Variants in RASGRP3 observed in about 807,000 individuals in gnomAD.
The protein encoded by RASGRP3 is RAS guanyl releasing protein 3, also known as ras guanyl-releasing protein 3.
RASGRP3 carries 54 observed loss-of-function variants against 82.7 expected under a neutral mutation model. That is an observed-to-expected ratio of 0.65 (90% CI 0.52 to 0.82). The LOEUF (loss-of-function observed/expected upper bound fraction) is 0.82. RASGRP3 is among the 40% of genes least tolerant of loss of function. The pLI, the probability that RASGRP3 is intolerant of heterozygous loss-of-function variation, is 0.00. For synonymous variants in RASGRP3, 309 were observed against 300.5 expected (o/e 1.03, Z -0.29); for missense variants, 861 against 828.9 (o/e 1.04, Z -0.48).
intron 2 of RASGRP3, among the ~76,000 whole-genome samples, chr2:33,464,359 A>G (rs980152298): frequency 3.3e-5 from 5 of 151,028 alleles, no homozygotes; most frequent in South Asian, 2.1e-4. Context: ...AGCTCAGGCA[A>G]TCTACCCACC....
At chr2:33,471,341 AT>A (rs70940204) in intron 2 of RASGRP3, among the ~76,000 whole-genome samples, 5,837 of 106,608 alleles carry the variant, frequency 0.055, 160 homozygotes, top group East Asian at 0.27. Flanking sequence ...ACACTGGGCT[AT>A]TTTTTTTTTT....
chr2:33,548,642 A>C (rs1372588316), intron 13 of RASGRP3, among the ~76,000 whole-genome samples: 1 of 152,158 alleles, frequency 6.6e-6, no homozygotes, highest in African/African-American at 2.4e-5. Context: ...TGTGATCGCC[A>C]GCAAATGCTA....
In RASGRP3 at chr2:33,540,567, TGTGTG is replaced by T. The variant is rs749702348; in HGVS notation, c.1278+1358_1278+1362del. ...TCTGTGTGTGTGTTTTGTGTGTGTG[TGTGTG>T]TGTGTGTGTGTGTGTGTGTGTGTGT... On this transcript the variant is annotated intron_variant, in intron 12 of 17. Transcript: ENST00000403687. Among the ~76,000 whole-genome samples, 26 of 19,998 alleles carry T rather than the reference TGTGTG, an allele frequency of 1.3e-3. 2 individuals are homozygous for T. Among genetic ancestry groups the T allele is most frequent in the African/African-American group, 2.7e-3 (11 of 4,008 alleles). The allele number at this position is 19,998 out of a possible 152,430, so 13.1% of individuals were successfully genotyped here.
intron 1 of RASGRP3, among the ~76,000 whole-genome samples, chr2:33,486,021 C>G (rs1451459311): frequency 6.6e-6 from 1 of 152,108 alleles, no homozygotes; most frequent in Admixed American, 6.6e-5. Flanking sequence ...TTTTCTCAAC[C>G]AAAACTTCAG....
intron 2 of RASGRP3, among the ~76,000 whole-genome samples, chr2:33,461,756 G>A (rs186330914): frequency 6.6e-5 from 10 of 152,310 alleles, no homozygotes; most frequent in African/African-American, 2.4e-4. Flanking sequence ...TACACACAAA[G>A]TTATAAGTAA....
intron 14 of RASGRP3, among the ~76,000 whole-genome samples, chr2:33,552,119 G>A (rs1368721036): frequency 6.6e-6 from 1 of 152,238 alleles, no homozygotes; most frequent in African/African-American, 2.4e-5. Flanking sequence ...GGAGCAGCAA[G>A]GTAGACTTTC....
At chr2:33,437,543 G>A (rs759723475) in intron 1 of RASGRP3, among the ~76,000 whole-genome samples, 1 of 152,170 alleles carries the variant, frequency 6.6e-6, no homozygotes, top group Admixed American at 6.5e-5. Flanking sequence ...GAAATGTGTG[G>A]CTGTTATTTC....
intron 1 of RASGRP3, among the ~76,000 whole-genome samples, chr2:33,497,332 G>T (rs1204903549): frequency 1.3e-5 from 2 of 152,132 alleles, no homozygotes; most frequent in Non-Finnish European, 1.5e-5. Flanking sequence ...ATTGGCAAGG[G>T]TCTAAAACTG....
At chr2:33,493,605 G>GA (rs35311723) in intron 1 of RASGRP3, among the ~76,000 whole-genome samples, 63,750 of 151,448 alleles carry the variant, frequency 0.42, 14,197 homozygotes, top group African/African-American at 0.56. Flanking sequence ...AGAGTTCCCA[G>GA]CTCCACCTTC....
In RASGRP3 at chr2:33,524,412, T is replaced by A. The variant is rs375873037; in HGVS notation, c.691-20T>A. 3 of 1,432,824 alleles carry A rather than the reference T, an allele frequency of 2.1e-6. No individual in the cohort carries two copies. The highest frequency in any genetic ancestry group is 2.9e-6 in the Non-Finnish European group (3 of 1,043,946). 88.8% of individuals were successfully genotyped at this position (1,432,824 alleles called of 1,614,324 possible). A position where few individuals can be genotyped will look rare whatever the true frequency, so the allele number is the denominator to read the frequency against. On this transcript the variant is annotated intron_variant, in intron 8 of 17. Transcript: ENST00000403687. ...ATAATTTGAAAATCCTTAAAAAGCATTGATGCATTTTTATTGCAGAAGCTC... is the reference window on the plus strand; with the variant it reads ...ATAATTTGAAAATCCTTAAAAAGCAATGATGCATTTTTATTGCAGAAGCTC...
intron 4 of RASGRP3, chr2:33,516,905 C>G (rs1671518119): frequency 6.6e-6 from 2 of 303,642 alleles, no homozygotes; most frequent in Admixed American, 4.9e-5. Flanking sequence ...CTGGATGTTT[C>G]TAACTTGTCT....
chr2:33,526,223 A>T (rs1672553448), intron 9 of RASGRP3, among the ~76,000 whole-genome samples: 1 of 152,216 alleles, frequency 6.6e-6, no homozygotes, highest in African/African-American at 2.4e-5. Flanking sequence ...TCTGATGATA[A>T]ATCAAAACCC....
chr2:33,494,085 A>G (rs1268037216), intron 1 of RASGRP3, among the ~76,000 whole-genome samples: 1 of 152,230 alleles, frequency 6.6e-6, no homozygotes, highest in Non-Finnish European at 1.5e-5. Context: ...CTCACTATTT[A>G]CAACTTAGGC....
intron 1 of RASGRP3, among the ~76,000 whole-genome samples, chr2:33,493,780 G>A (rs1669067605): frequency 6.6e-6 from 1 of 151,900 alleles, no homozygotes; most frequent in Admixed American, 6.6e-5. Flanking sequence ...TTTTGACAAG[G>A]AGAGATGATC....
intron 13 of RASGRP3, among the ~76,000 whole-genome samples, chr2:33,547,342 C>CTTTTTTTTTTTTTTTTTTTTT (rs59601670): frequency 1.0e-4 from 7 of 68,208 alleles, no homozygotes; most frequent in East Asian, 1.0e-3. Flanking sequence ...ATATAGAATC[C>CTTTTTTTTTTTTTTTTTTTTT]TTTTTTTTTT....
chr2:33,514,973 A>C, intron 2 of RASGRP3, 37 bp from the exon 3 acceptor site: 1 of 636,260 alleles, frequency 1.6e-6, no homozygotes. Flanking sequence ...TCTGAACTCT[A>C]GTCTAATAAC....
chr2:33,556,890 T>TACACACACACACACACACAC (rs58614411), intron 15 of RASGRP3, among the ~76,000 whole-genome samples: 7 of 130,786 alleles, frequency 5.4e-5, no homozygotes, highest in Non-Finnish European at 9.4e-5. Flanking sequence ...TACCCTAAAA[T>TACACACACACACACACACAC]ACACACACAC....
chr2:33,561,791 G>A (rs1185006480), intron 17 of RASGRP3, among the ~76,000 whole-genome samples: 4 of 152,028 alleles, frequency 2.6e-5, no homozygotes, highest in Non-Finnish European at 4.4e-5. Context: ...CAGGATTTAC[G>A]CTCATTTTAA....
intron 2 of RASGRP3, among the ~76,000 whole-genome samples, chr2:33,453,749 A>T (rs1252356616): frequency 6.6e-6 from 1 of 152,266 alleles, no homozygotes; most frequent in Non-Finnish European, 1.5e-5. Flanking sequence ...TCTGCAGATT[A>T]TCACATGTAT....
Sources: gnomAD v4.1 joint callset for allele counts (sites outside exome capture counted in the v4.1 genomes callset) on GRCh38, gnomAD v4.1.1 for gene constraint, MANE v1.5 for transcripts, NCBI Gene and HGNC (gene_info 2026-07-23, HGNC 2026-07-21) for gene names.